RBBP6: variants seen among roughly 807,000 people sequenced by gnomAD.
RBBP6 encodes RB binding protein 6, ubiquitin ligase.
RBBP6 carries 25 observed loss-of-function variants against 167.7 expected under a neutral mutation model. That is an observed-to-expected ratio of 0.15 (90% confidence interval 0.11 to 0.21). The LOEUF (loss-of-function observed/expected upper bound fraction) is 0.21. Among genes scored for constraint, RBBP6 ranks in the 10% least tolerant of loss-of-function variants. The probability of loss-of-function intolerance (pLI) is 1.00; values close to 1 mark genes in which losing one functional copy is unlikely to be tolerated. For missense variants in RBBP6, 1,868 were observed against 2,134.2 expected (o/e 0.88, Z 2.46); for synonymous variants, 789 against 735.8 (o/e 1.07, Z -1.17).
chr16:24,541,121 C>T (rs1011081784), intron 1 of RBBP6, among the ~76,000 whole-genome samples: 12 of 140,612 alleles, frequency 8.5e-5, no homozygotes, highest in Non-Finnish European at 1.7e-4. Context: ...AGGGCGTTTT[C>T]TAACTTATTT....
rs866749596 is a variant in RBBP6, at chr16:24,569,079, A to G, written c.2389A>G (p.Asn797Asp). The change falls in exon 17 of 18, where the codon AAT (asparagine) becomes GAT (aspartate). Residue 797 changes from asparagine (N) to aspartate (D), a missense_variant. Asn to Asp is a conservative substitution (Grantham distance 23, BLOSUM62 1). Transcript: ENST00000319715. ...PQGETEREYF[N>D]RYREVPPPYD... ...AGGGGAAACAGAACGTGAATATTTTAATAGATACAGAGAAGTTCCACCACC... is the reference window on the plus strand; with the variant it reads ...AGGGGAAACAGAACGTGAATATTTTGATAGATACAGAGAAGTTCCACCACC... 6.2e-7 allele frequency: 1 copy of G among 1,614,172 alleles called. No individual in the cohort carries two copies. The highest frequency in any genetic ancestry group is 1.6e-4 in the Middle Eastern group (1 of 6,062).
chr16:24,569,220 G>A lies in RBBP6; in HGVS notation c.2530G>A (p.Gly844Ser). The change falls in exon 17 of 18, where the codon GGT becomes AGT. Residue 844 changes from glycine (G) to serine (S), a missense_variant. By Grantham distance (56) the Gly-to-Ser change is moderately conservative (BLOSUM62 0). Around this residue, in one of 7 missense-constraint regions of RBBP6, gnomAD observed 673 missense variants for 691.5 expected, o/e 0.97. Transcript: ENST00000319715. ...YREWYEKYYKGYAAGAQPRPS... is the reference protein window; with the variant it reads ...YREWYEKYYKSYAAGAQPRPS... Reference sequence around the variant, plus strand: ...AGAGTGGTATGAAAAATATTATAAAGGTTATGCTGCTGGAGCACAGCCTAG... The same window carrying A: ...AGAGTGGTATGAAAAATATTATAAAAGTTATGCTGCTGGAGCACAGCCTAG... 6.2e-7 allele frequency: 1 copy of A among 1,613,744 alleles called. No homozygotes were observed. The highest frequency in any genetic ancestry group is 8.5e-7 in the Non-Finnish European group (1 of 1,179,934).
chr16:24,541,196 A>AC lies in RBBP6; in HGVS notation c.166+404_166+405insC, dbSNP rs943022202. ...GTTCAATCAGCAAAAAAAAAAACAA[A>AC]AAAAAAACCAAAAAAACAATTTTCT... On this transcript the variant is annotated intron_variant, in intron 1 of 17. Coordinates refer to ENST00000319715, the MANE Select transcript of RBBP6 (RefSeq NM_006910.5). Among the ~76,000 whole-genome samples the AC allele has an allele frequency of 1.3e-4, 17 of 134,600 alleles. 2 individuals are homozygous for AC. Among genetic ancestry groups the AC allele is most frequent in the South Asian group, 1.1e-3 (5 of 4,472 alleles). The allele number at this position is 134,600 out of a possible 152,430, so 88.3% of individuals were successfully genotyped here. A position where few individuals can be genotyped will look rare whatever the true frequency, so the allele number is the denominator to read the frequency against.
intron 13 of RBBP6, 39 bp from the exon 14 acceptor site, chr16:24,564,758 G>A: frequency 2.5e-6 from 4 of 1,604,554 alleles, no homozygotes; most frequent in Non-Finnish European, 3.4e-6. Flanking sequence ...TTATACCCAT[G>A]GAGAAATACT....
chr16:24,558,394 T>TTTTTTC, intron 7 of RBBP6: 5 of 808,594 alleles, frequency 6.2e-6, no homozygotes, highest in Non-Finnish European at 6.0e-6. Context: ...CTTTTTTTTT[T>TTTTTTC]TTTTCTTTTT....
chr16:24,548,835 G>A (rs1423770898), intron 2 of RBBP6, 110 bp from the exon 3 acceptor site: 2 of 878,494 alleles, frequency 2.3e-6, no homozygotes, highest in African/African-American at 1.7e-5. Flanking sequence ...TTATACCAAA[G>A]GAAAATTAGG....
intron 10 of RBBP6, among the ~76,000 whole-genome samples, chr16:24,562,631 A>G (rs547800738): frequency 2.0e-5 from 3 of 151,914 alleles, no homozygotes; most frequent in East Asian, 1.9e-4. Context: ...CTCACAGCCT[A>G]CCACTTCAGA....
intron 1 of RBBP6, 87 bp from the exon 2 acceptor site, chr16:24,546,076 C>T: frequency 6.9e-7 from 1 of 1,455,516 alleles, no homozygotes; most frequent in South Asian, 1.4e-5. Flanking sequence ...AGTCATTTCC[C>T]ATGAAATTTA....
Position 24,571,706 on chromosome 16 carries a change from C to T in RBBP6, c.4640C>T (p.Ala1547Val), listed in dbSNP as rs766874426. The part of the protein sequence containing the change: ...SRDRKPHDHK[A>V]TYDTKRPNEE... ...GACAGAAAACCTCATGATCACAAAG[C>T]CACTTATGATACTAAACGGCCAAAT... is the stretch of plus-strand genomic sequence containing the variant. The change falls in exon 18 of 18, where the codon GCC (alanine) becomes GTC (valine). Residue 1547 changes from alanine (A) to valine (V), a missense_variant. By Grantham distance (64) the Ala-to-Val change is moderately conservative. Around this residue, in one of 7 missense-constraint regions of RBBP6, gnomAD observed 591 missense variants for 540.5 expected, o/e 1.09. Coordinates refer to ENST00000319715, the MANE Select transcript of RBBP6 (RefSeq NM_006910.5). The T allele has an allele frequency of 3.7e-6, 6 of 1,614,026 alleles. No individual in the cohort carries two copies. In the East Asian group the frequency reaches 1.3e-4, roughly 36 times the overall value.
intron 3 of RBBP6, among the ~76,000 whole-genome samples, chr16:24,550,352 TG>T (rs1319735673): frequency 9.9e-5 from 14 of 140,968 alleles, no homozygotes; most frequent in Admixed American, 9.2e-4. Flanking sequence ...GGATATGGGG[TG>T]TTTTTTTTTG....
rs536717120 is a variant in RBBP6, at chr16:24,562,077, C to T, written c.1205C>T (p.Pro402Leu). The T allele has an allele frequency of 9.9e-6, 16 of 1,613,388 alleles. No homozygotes were observed. Among genetic ancestry groups the T allele is most frequent in the African/African-American group, 4.0e-5 (3 of 75,046 alleles). Reference protein sequence around the residue: ...SSLAPPVSGNPSSAPAPVPDI... With the variant: ...SSLAPPVSGNLSSAPAPVPDI... ...TTGGCCCCTCCTGTGTCTGGAAATC[C>T]GTCTTCTGCTCCAGCTCCTGTACCT... The change falls in exon 10 of 18, where the codon CCG becomes CTG. Residue 402 changes from proline to leucine, a missense_variant. Physicochemically the swap from Pro to Leu is moderately conservative, Grantham distance 98. Coordinates refer to ENST00000319715, the MANE Select transcript of RBBP6 (RefSeq NM_006910.5).
chr16:24,561,259 A>C (rs1276887238), intron 8 of RBBP6, among the ~76,000 whole-genome samples: 1 of 152,082 alleles, frequency 6.6e-6, no homozygotes, highest in East Asian at 1.9e-4. Flanking sequence ...TTGTTTAAAA[A>C]AAAAAAAAGA....
At chr16:24,543,995 T>C (rs904522454) in intron 1 of RBBP6, among the ~76,000 whole-genome samples, 2 of 152,196 alleles carry the variant, frequency 1.3e-5, no homozygotes, top group Non-Finnish European at 1.5e-5. Context: ...CCCCAAAGTG[T>C]CTTTATTACC....
Position 24,567,773 on chromosome 16 carries a change from T to G in RBBP6, c.1953-19T>G. On this transcript the variant is annotated intron_variant, in intron 15 of 17. Coordinates refer to ENST00000319715, the MANE Select transcript of RBBP6 (RefSeq NM_006910.5). ...AAATGGTTTTTGTTAACTTTCACTC[T>G]TTAACTTTATTTTACTAGGGAAAAG... 6.3e-7 allele frequency: 1 copy of G among 1,576,974 alleles called. No homozygotes were observed. The highest frequency in any genetic ancestry group is 8.7e-7 in the Non-Finnish European group (1 of 1,153,490).
At chr16:24,568,541 CTTTTG>C (rs771447825) in intron 16 of RBBP6, among the ~76,000 whole-genome samples, 199 bp from the exon 17 acceptor site, 3 of 152,190 alleles carry the variant, frequency 2.0e-5, no homozygotes, top group Non-Finnish European at 4.4e-5. Flanking sequence ...TAAGACTTCA[CTTTTG>C]TTTTGTAACA....
At chr16:24,554,991 T>C (rs924124045) in intron 4 of RBBP6, 4 of 152,162 alleles carry the variant, frequency 2.6e-5, no homozygotes, top group South Asian at 2.1e-4. Flanking sequence ...ATGGCTGATA[T>C]GAGTGCTAAA....
rs377116782 is a variant in RBBP6, at chr16:24,568,900, G to A, written c.2210G>A (p.Gly737Asp). Residue 737 changes from glycine (G) to aspartate (D), a missense_variant, in exon 17 of 18, where the codon GGC becomes GAC. By Grantham distance (94) the Gly-to-Asp change is moderately conservative (BLOSUM62 -1). Coordinates refer to ENST00000319715, the MANE Select transcript of RBBP6 (RefSeq NM_006910.5). ...CGGTCACCTCCATACCCCAGAAGAG[G>A]CAGAGGCAAGAGCCGCAATTACCGT... ...YSRSPPYPRR[G>D]RGKSRNYRSR... The A allele has an allele frequency of 6.2e-7, 1 of 1,614,180 alleles. No individual in the cohort carries two copies.
chr16:24,568,682 G>T, intron 16 of RBBP6, 63 bp from the exon 17 acceptor site: 1 of 1,518,272 alleles, frequency 6.6e-7, no homozygotes, highest in South Asian at 1.3e-5. Context: ...TAGAATCTGA[G>T]AGTCTGTGTT....
At position 24,571,050 on chromosome 16, in the gene RBBP6, TGAA is replaced by T. The variant is rs1165429851; in HGVS notation, c.3993_3995del (p.Glu1331del). 52 of 1,611,818 alleles carry T rather than the reference TGAA, an allele frequency of 3.2e-5. No homozygotes were observed. The highest frequency in any genetic ancestry group is 5.3e-5 in the African/African-American group (4 of 74,870). ...AATGGGATAAAGATGACTTTGAATC[TGAA>T]GAAGAAGATGTTAAATCCACACAGC... On this transcript the variant is annotated inframe_deletion, in exon 18 of 18. Coordinates refer to ENST00000319715, the MANE Select transcript of RBBP6 (RefSeq NM_006910.5).
Sources: gnomAD v4.1 joint callset for allele counts (sites outside exome capture counted in the v4.1 genomes callset) on GRCh38, gnomAD v4.1.1 for gene constraint, gnomAD v4.1.1 regional missense constraint, MANE v1.5 for transcripts, NCBI Gene and HGNC (gene_info 2026-07-23, HGNC 2026-07-21) for gene names.